BIRC6: variants seen among roughly 807,000 people sequenced by gnomAD.
BIRC6 encodes the protein dual E2 ubiquitin-conjugating enzyme/E3 ubiquitin-protein ligase BIRC6.
Under a neutral mutation model 503.3 loss-of-function variants are expected in BIRC6, and 98 were observed. The observed-to-expected ratio is 0.19, with a 90% CI of 0.17 to 0.23. The LOEUF is 0.23. Among genes scored for constraint, BIRC6 ranks in the 10% least tolerant of loss-of-function variants. BIRC6 has a pLI of 1.00. For missense variants in BIRC6, 5,360 were observed against 5,806.0 expected (o/e 0.92, Z 2.50); for synonymous variants, 2,240 against 2,078.7 (o/e 1.08, Z -2.11).
At chr2:32,402,704 A>G (rs2040735242) in intron 8 of BIRC6, among the ~76,000 whole-genome samples, 2 of 152,190 alleles carry the variant, frequency 1.3e-5, no homozygotes, top group Non-Finnish European at 2.9e-5. Context: ...GTTTCTGACC[A>G]TATTTTGCCA....
Position 32,439,698 on chromosome 2 carries a change from T to TTTGAA in BIRC6, c.3810+12_3810+13insTTGAA. 3.1e-6 allele frequency: 5 copies of TTTGAA among 1,608,512 alleles called. No homozygotes were observed. Among genetic ancestry groups the TTTGAA allele is most frequent in the Non-Finnish European group, 4.3e-6 (5 of 1,175,520 alleles). On this transcript the variant is annotated intron_variant, in intron 16 of 73. Coordinates refer to ENST00000421745, the MANE Select transcript of BIRC6 (RefSeq NM_016252.4). ...TTGCAGCAGGCAAGGTATGAAACTG[T>TTTGAA]CATTTTGAACAATAACAATACAGTT...
chr2:32,519,073 A>G lies in BIRC6; in HGVS notation c.11623+127A>G, dbSNP rs1487669349. ...ATTGATGACTAGGAAAGTTCAAGAC[A>G]TCTTTATAGTTTGAAGCATAAGAAG... On this transcript the variant is annotated intron_variant, in intron 57 of 73. Transcript: ENST00000421745. 1.1e-5 allele frequency: 10 copies of G among 903,288 alleles called. No homozygotes were observed. In the South Asian group the frequency reaches 2.0e-4, roughly 18 times the overall value. The allele number at this position is 903,288 out of a possible 1,614,324, so 56.0% of individuals were successfully genotyped here.
At position 32,445,777 on chromosome 2, in the gene BIRC6, A is replaced by G. The variant is rs991036150; in HGVS notation, c.4484+109A>G. The G allele has an allele frequency of 8.3e-6, 7 of 839,216 alleles. No individual in the cohort carries two copies. In the African/African-American group the frequency reaches 8.9e-5, roughly 11 times the overall value. The allele number at this position is 839,216 out of a possible 1,614,324, so 52.0% of individuals were successfully genotyped here. A position where few individuals can be genotyped will look rare whatever the true frequency, so the allele number is the denominator to read the frequency against. On this transcript the variant is annotated intron_variant, in intron 21 of 73. Coordinates refer to ENST00000421745, the MANE Select transcript of BIRC6 (RefSeq NM_016252.4). Reference sequence around the variant, plus strand: ...ATGCTGATAACAGTCTTTTTCTTACAAAAATGTTTAGTTTATACCTTACTT... The same window carrying G: ...ATGCTGATAACAGTCTTTTTCTTACGAAAATGTTTAGTTTATACCTTACTT...
At chr2:32,593,731 T>C (rs1278019740) in intron 66 of BIRC6, among the ~76,000 whole-genome samples, 184 bp from the exon 67 acceptor site, 1 of 152,190 alleles carries the variant, frequency 6.6e-6, no homozygotes. Flanking sequence ...TCTTCTCTGA[T>C]TTTATATTAG....
chr2:32,388,990 T>A, intron 4 of BIRC6, 47 bp downstream of exon 4: 1 of 1,199,358 alleles, frequency 8.3e-7, no homozygotes, highest in Non-Finnish European at 1.1e-6. Flanking sequence ...AATTGATTAG[T>A]TTTTGCATTA....
At chr2:32,459,212 C>T (rs2047568097) in intron 23 of BIRC6, among the ~76,000 whole-genome samples, 1 of 152,176 alleles carries the variant, frequency 6.6e-6, no homozygotes, top group East Asian at 1.9e-4. Context: ...CCCCCAAACC[C>T]TTCCAGTCAC....
At chr2:32,453,785 T>C (rs752072164) in intron 22 of BIRC6, 23 bp from the exon 23 acceptor site, 9 of 1,608,290 alleles carry the variant, frequency 5.6e-6, no homozygotes, top group South Asian at 2.2e-5. Context: ...TCACGTGTTA[T>C]AAAACTTGTC....
In BIRC6 at chr2:32,476,277, A is replaced by C; in HGVS notation, c.6785A>C (p.Gln2262Pro). ...LVEQMEKEKI[Q>P]SNKGSSYKLL... ...GAACAGATGGAAAAAGAAAAAATAC[A>C]AAGTAACAAAGGATCATCATATAAA... The change falls in exon 34 of 74, where the codon CAA (glutamine) becomes CCA (proline). Residue 2262 changes from glutamine (Q) to proline (P), a missense_variant. Physicochemically the swap from Gln to Pro is moderately conservative, Grantham distance 76 (BLOSUM62 -1). Around this residue, in one of 16 missense-constraint regions of BIRC6, gnomAD observed 2,299 missense variants for 2,267.2 expected, o/e 1.01. Coordinates refer to ENST00000421745, the MANE Select transcript of BIRC6 (RefSeq NM_016252.4). 6.4e-7 allele frequency: 1 copy of C among 1,562,076 alleles called. No individual in the cohort carries two copies. The highest frequency in any genetic ancestry group is 2.4e-5 in the East Asian group (1 of 42,370).
chr2:32,453,549 C>T (rs2046934065), intron 22 of BIRC6, among the ~76,000 whole-genome samples: 2 of 152,098 alleles, frequency 1.3e-5, no homozygotes, highest in South Asian at 4.1e-4. Flanking sequence ...TTTCATGTTA[C>T]AGGAAACTAC....
In BIRC6 at chr2:32,513,057, C is replaced by G; in HGVS notation, c.10471C>G (p.Pro3491Ala). ...AGAGTATGGTCTTCTGATGCCATCT[C>G]CTTCTCATTTGCACTGTGTAGCAGC... is the stretch of plus-strand genomic sequence containing the variant. ...TVEYGLLMPSPSHLHCVAAIL... is the reference protein window; with the variant it reads ...TVEYGLLMPSASHLHCVAAIL... The change falls in exon 54 of 74, where the codon CCT becomes GCT. Residue 3491 changes from proline (P) to alanine (A), a missense_variant. By Grantham distance (27) the Pro-to-Ala change is conservative. This residue lies in a region of BIRC6 where 878 missense variants were observed against 928.9 expected (regional missense o/e 0.95). Coordinates refer to ENST00000421745, the MANE Select transcript of BIRC6 (RefSeq NM_016252.4). The G allele has an allele frequency of 6.2e-7, 1 of 1,613,894 alleles. No individual in the cohort carries two copies. Among genetic ancestry groups the G allele is most frequent in the South Asian group, 1.1e-5 (1 of 91,072 alleles).
chr2:32,600,533 G>A (rs2061984103), intron 70 of BIRC6, among the ~76,000 whole-genome samples: 1 of 152,128 alleles, frequency 6.6e-6, no homozygotes, highest in Admixed American at 6.5e-5. Flanking sequence ...TTTGACCAGA[G>A]GCAGAACTTT....
At chr2:32,369,496 C>T (rs1452053998) in intron 1 of BIRC6, among the ~76,000 whole-genome samples, 4 of 145,552 alleles carry the variant, frequency 2.7e-5, no homozygotes, top group Non-Finnish European at 6.0e-5. Flanking sequence ...AGTGTGATCT[C>T]GGCTCACTAC....
At chr2:32,419,712 C>G (rs1278170034) in intron 10 of BIRC6, among the ~76,000 whole-genome samples, 1 of 151,890 alleles carries the variant, frequency 6.6e-6, no homozygotes, top group Non-Finnish European at 1.5e-5. Flanking sequence ...TAAATATGAC[C>G]CCAACAACAT....
intron 50 of BIRC6, 26 bp downstream of exon 50, chr2:32,505,231 T>C (rs745864216): frequency 2.0e-6 from 3 of 1,498,032 alleles, no homozygotes; most frequent in Non-Finnish European, 2.7e-6. Flanking sequence ...TAAAGAAGCA[T>C]CATGAGAACA....
chr2:32,464,643 T>A lies in BIRC6; in HGVS notation c.5076T>A (p.Asp1692Glu). The stretch of plus-strand genomic sequence containing the variant: ...CTGGATTCTTCATTCATCCATCTGA[T>A]GTTATTCCACCCACTCCAAAAACAA... ...AAPGFFIHPS[D>E]VIPPTPKTTP... Residue 1692 changes from aspartate to glutamate, a missense_variant, in exon 25 of 74, where the codon GAT becomes GAA. Asp to Glu is a conservative substitution (Grantham distance 45). Coordinates refer to ENST00000421745, the MANE Select transcript of BIRC6 (RefSeq NM_016252.4). The A allele has an allele frequency of 6.2e-7, 1 of 1,614,004 alleles. No individual in the cohort carries two copies.
chr2:32,357,489 G>A lies in BIRC6; in HGVS notation c.325+3G>A, dbSNP rs1558510066. On this transcript the variant is annotated splice_donor_region_variant and intron_variant, in intron 1 of 73. Transcript: ENST00000421745. This position sits in a 1 kb window ranked among gnomAD's most constrained non-coding sequence, Gnocchi z 4.9. Reference sequence around the variant, plus strand: ...ACTGCAGGCCTCCGCGCTCAGTGGTGAGTCTTCCGCACGCCGGGCGGGCGC... The same window carrying A: ...ACTGCAGGCCTCCGCGCTCAGTGGTAAGTCTTCCGCACGCCGGGCGGGCGC... The A allele has an allele frequency of 6.5e-7, 1 of 1,544,138 alleles. No homozygotes were observed. Among genetic ancestry groups the A allele is most frequent in the Non-Finnish European group, 8.7e-7 (1 of 1,144,768 alleles).
rs1441457573 is a variant in BIRC6, at chr2:32,618,655, T to A, written c.*751T>A. ...TAAGTATTTGAAAAGGAATGGTCAA[T>A]TTGAAAGTCATTCTAAACTGATTTT... On this transcript the variant is annotated 3_prime_UTR_variant, in exon 74 of 74. Transcript: ENST00000421745. The A allele has an allele frequency of 6.6e-6, 1 of 152,648 alleles. No individual in the cohort carries two copies. The highest frequency in any genetic ancestry group is 2.4e-5 in the African/African-American group (1 of 41,458). The allele number at this position is 152,648 out of a possible 1,614,324, so 9.5% of individuals were successfully genotyped here. A position where few individuals can be genotyped will look rare whatever the true frequency, so the allele number is the denominator to read the frequency against.
chr2:32,428,150 C>T (rs1404968146), intron 10 of BIRC6, among the ~76,000 whole-genome samples: 1 of 152,152 alleles, frequency 6.6e-6, no homozygotes, highest in Non-Finnish European at 1.5e-5. Flanking sequence ...GTTGTGCTTT[C>T]TCAGGTCTCT....
chr2:32,500,634 C>A (rs1374875334), intron 46 of BIRC6, among the ~76,000 whole-genome samples: 1 of 117,132 alleles, frequency 8.5e-6, no homozygotes, highest in African/African-American at 3.2e-5. Flanking sequence ...GAGATGAAGT[C>A]TTGCTCTGTT....
Sources: gnomAD v4.1 joint callset for allele counts (sites outside exome capture counted in the v4.1 genomes callset) on GRCh38, gnomAD v4.1.1 for gene constraint, gnomAD v4.1.1 regional missense constraint, Gnocchi (gnomAD v3.1) non-coding constraint, MANE v1.5 for transcripts, NCBI Gene and HGNC (gene_info 2026-07-23, HGNC 2026-07-21) for gene names.